Variants in TBC1D31 observed in about 807,000 individuals in gnomAD.
TBC1D31 encodes WD repeat domain 67.
TBC1D31 carries 99 observed loss-of-function variants against 132.9 expected under a neutral mutation model. That is an observed-to-expected ratio of 0.74 (90% CI 0.63 to 0.88). The LOEUF (loss-of-function observed/expected upper bound fraction) is 0.88. TBC1D31 is among the 40% of genes least tolerant of loss of function. The probability of loss-of-function intolerance (pLI) is 0.00; values close to 1 mark genes in which losing one functional copy is unlikely to be tolerated. For synonymous variants in TBC1D31, 385 were observed against 419.4 expected (o/e 0.92, Z 1.00); for missense variants, 1,134 against 1,256.6 (o/e 0.90, Z 1.48).
chr8:123,105,496 G>T, intron 8 of TBC1D31, 32 bp downstream of exon 8: 1 of 1,570,348 alleles, frequency 6.4e-7, no homozygotes, highest in Non-Finnish European at 8.7e-7. Context: ...ACTTTGTCAT[G>T]ATTCTGCTGT....
chr8:123,081,002 A>G (rs998001790), intron 2 of TBC1D31, among the ~76,000 whole-genome samples: 2 of 152,176 alleles, frequency 1.3e-5, no homozygotes, highest in African/African-American at 2.4e-5. Context: ...TTGATCATAA[A>G]GCCCAGTATA....
chr8:123,106,073 A>T (rs1284004355), intron 8 of TBC1D31, among the ~76,000 whole-genome samples: 2 of 152,176 alleles, frequency 1.3e-5, no homozygotes, highest in Non-Finnish European at 2.9e-5. Flanking sequence ...GTTGCTCCAT[A>T]TTCTCACTAA....
At chr8:123,135,787 C>T (rs574937648) in intron 17 of TBC1D31, among the ~76,000 whole-genome samples, 3 of 152,126 alleles carry the variant, frequency 2.0e-5, no homozygotes, top group Non-Finnish European at 2.9e-5. Flanking sequence ...GGCTGAGTCT[C>T]CCATGATTTG....
At chr8:123,097,943 A>G (rs1816987771) in intron 6 of TBC1D31, 1 of 152,330 alleles carries the variant, frequency 6.6e-6, no homozygotes, top group Admixed American at 6.5e-5. Flanking sequence ...TAGTTTACAG[A>G]GTGCTTCTTC....
chr8:123,150,054 A>G lies in TBC1D31; in HGVS notation c.2993A>G (p.Asn998Ser). 1.2e-6 allele frequency: 2 copies of G among 1,614,054 alleles called. No homozygotes were observed. Among genetic ancestry groups the G allele is most frequent in the South Asian group, 1.1e-5 (1 of 91,068 alleles). ...PCHKEEPRFQ[N>S]EQDSSCLPRT... The stretch of plus-strand genomic sequence containing the variant: ...ATAACAGAAGAACCCAGGTTCCAAA[A>G]TGAACAGGACTCAAGCTGTTTGCCT... The change falls in exon 21 of 22, where the codon AAT becomes AGT. Residue 998 changes from asparagine to serine, a missense_variant. Transcript: ENST00000287380.
chr8:123,112,702 A>G (rs1414702991), intron 10 of TBC1D31, among the ~76,000 whole-genome samples: 1 of 152,188 alleles, frequency 6.6e-6, no homozygotes, highest in Admixed American at 6.5e-5. Context: ...GTCTTTTTCT[A>G]TTAAGTGTAT....
In TBC1D31 at chr8:123,137,214, T is replaced by A. The variant is rs143961087; in HGVS notation, c.2499+3008T>A. On this transcript the variant is annotated intron_variant, in intron 17 of 21. Transcript: ENST00000287380. ...CCCTCATAATCTTCTAGGACCTCAT[T>A]TATCAAGTCTGTTTTCTATCTGTCT... Among the ~76,000 whole-genome samples the A allele has an allele frequency of 3.0e-4, 45 of 152,312 alleles. No individual in the cohort carries two copies. In the South Asian group the frequency reaches 3.9e-3, roughly 13 times the overall value.
chr8:123,075,689 C>G (rs1477886539), intron 1 of TBC1D31, among the ~76,000 whole-genome samples: 1 of 150,458 alleles, frequency 6.6e-6, no homozygotes, highest in African/African-American at 2.5e-5. Context: ...GGTGACAGAG[C>G]GAGACTCCAT....
At chr8:123,131,774 C>G (rs1350556523) in intron 16 of TBC1D31, among the ~76,000 whole-genome samples, 1 of 150,914 alleles carries the variant, frequency 6.6e-6, no homozygotes, top group African/African-American at 2.4e-5. Context: ...TGTTTTAAGT[C>G]TGTAAGAGTA....
chr8:123,086,920 G>C (rs1162337943), intron 4 of TBC1D31, among the ~76,000 whole-genome samples: 1 of 152,164 alleles, frequency 6.6e-6, no homozygotes, highest in Non-Finnish European at 1.5e-5. Context: ...GTTTCACCAT[G>C]TTAGCCAGGC....
At position 123,126,139 on chromosome 8, in the gene TBC1D31, CAT is replaced by C; in HGVS notation, c.1655_1656del (p.His552ArgfsTer12). The C allele has an allele frequency of 6.2e-7, 1 of 1,612,172 alleles. No individual in the cohort carries two copies. Among genetic ancestry groups the C allele is most frequent in the East Asian group, 2.2e-5 (1 of 44,726 alleles). ...CATGATAGAAAATGTTTTGGCATTT[CAT>C]GACAAGGAACTGCTGCAACACTTCA... Reference protein sequence around the residue: ...LSMIENVLAFHDKELLQHFID... With the variant: ...LSMIENVLAFXDKELLQHFID... On this transcript the variant is annotated frameshift_variant, in exon 12 of 22. Transcript: ENST00000287380. LOFTEE classifies it high-confidence loss of function.
intron 11 of TBC1D31, among the ~76,000 whole-genome samples, chr8:123,124,052 TA>T (rs1819764484): frequency 2.0e-5 from 3 of 149,308 alleles, no homozygotes; most frequent in South Asian, 4.2e-4. Context: ...GTTAACTGAA[TA>T]CCACTCCATA....
At chr8:123,158,639 C>A in the TBC1D31 span, among the ~76,000 whole-genome samples, 1 of 152,042 alleles carries the variant, frequency 6.6e-6, no homozygotes, top group African/African-American at 2.4e-5. Flanking sequence ...TTGTTAATCA[C>A]CTAGAATTTG....
downstream of TBC1D31, among the ~76,000 whole-genome samples, chr8:123,156,875 C>T (rs764961427): frequency 1.3e-5 from 2 of 152,220 alleles, no homozygotes; most frequent in Non-Finnish European, 2.9e-5. Flanking sequence ...TTGAACTCGG[C>T]CGCGCTCGCA....
At chr8:123,152,744 G>A (rs1189475800), downstream of TBC1D31, among the ~76,000 whole-genome samples, 2 of 152,094 alleles carry the variant, frequency 1.3e-5, no homozygotes, top group East Asian at 1.9e-4. Context: ...GGTGGCACAT[G>A]CCTGTAATCC....
downstream of TBC1D31, among the ~76,000 whole-genome samples, chr8:123,156,160 G>A (rs775742670): frequency 2.6e-5 from 4 of 152,198 alleles, no homozygotes; most frequent in Non-Finnish European, 5.9e-5. Flanking sequence ...ATCCCCAGGG[G>A]CCGGGCGTGG....
intron 5 of TBC1D31, 69 bp downstream of exon 5, chr8:123,093,811 C>A: frequency 2.6e-6 from 3 of 1,140,864 alleles, no homozygotes; most frequent in South Asian, 2.6e-5. Flanking sequence ...TACAAATTTT[C>A]ATTTAGTTTT....
In TBC1D31 at chr8:123,100,531, G is replaced by A. The variant is rs1281829956; in HGVS notation, c.832-276G>A. On this transcript the variant is annotated intron_variant, in intron 6 of 21. Coordinates refer to ENST00000287380, the MANE Select transcript of TBC1D31 (RefSeq NM_145647.4). ...GCGGAGGTTGCAGTGAGTGGAGATC[G>A]TGCCACTGCACTCCAGCCTGGGCAA... Among the ~76,000 whole-genome samples, 6 of 151,706 alleles carry A rather than the reference G, an allele frequency of 4.0e-5. No individual in the cohort carries two copies. In the South Asian group the frequency reaches 1.0e-3, roughly 26 times the overall value.
the TBC1D31 span, among the ~76,000 whole-genome samples, chr8:123,164,456 T>A: frequency 1.6e-4 from 25 of 152,326 alleles, no homozygotes; most frequent in African/African-American, 6.0e-4. Flanking sequence ...GCGCAGTGGC[T>A]CACATCTGTA....
Sources: allele counts gnomAD v4.1 joint callset (sites outside exome capture counted in the v4.1 genomes callset), GRCh38; gene constraint gnomAD v4.1.1; transcripts MANE v1.5; gene names NCBI Gene and HGNC (gene_info 2026-07-23, HGNC 2026-07-21).